RNF111: variants seen among roughly 807,000 people sequenced by gnomAD.
RNF111 encodes the protein E3 ubiquitin-protein ligase Arkadia.
Under a neutral mutation model 95.1 loss-of-function variants are expected in RNF111, and 17 were observed. The ratio of observed to expected loss-of-function variants is 0.18; its 90% CI spans 0.12 to 0.27. The LOEUF (loss-of-function observed/expected upper bound fraction) is 0.27, where lower values mean the gene tolerates loss of function less well. Ranked by LOEUF, RNF111 falls within the 10% of genes least tolerant of loss-of-function variation. RNF111 has a pLI of 1.00. For synonymous variants in RNF111, 440 were observed against 414.8 expected, an observed-to-expected ratio of 1.06 and a Z score of -0.74; for missense variants, 1,189 against 1,210.4, an observed-to-expected ratio of 0.98 and a Z score of 0.26.
At chr15:59,020,611 A>G (rs1042549601) in intron 1 of RNF111, among the ~76,000 whole-genome samples, 4 of 152,228 alleles carry the variant, frequency 2.6e-5, no homozygotes, top group Non-Finnish European at 4.4e-5. Context: ...TTTGATGACT[A>G]ATATTTAAGG....
chr15:59,030,588 T>A (rs1397908482), intron 1 of RNF111, among the ~76,000 whole-genome samples: 1 of 152,188 alleles, frequency 6.6e-6, no homozygotes, highest in Non-Finnish European at 1.5e-5. Context: ...CTATATCTAC[T>A]GTATTTCTAA....
At position 59,058,508 on chromosome 15, in the gene RNF111, G is replaced by A; in HGVS notation, c.1324G>A (p.Ala442Thr). The A allele has an allele frequency of 6.2e-7, 1 of 1,614,028 alleles. No homozygotes were observed. Among genetic ancestry groups the A allele is most frequent in the East Asian group, 2.2e-5 (1 of 44,874 alleles). Reference protein sequence around the residue: ...SQPSTVSETSATLTSNSTTGT... With the variant: ...SQPSTVSETSTTLTSNSTTGT... ...ACCTTCCACAGTGTCAGAGACTTCA[G>A]CTACTCTTACAAGCAATAGTACCAC... is the stretch of plus-strand genomic sequence containing the variant. Residue 442 changes from alanine (A) to threonine (T), a missense_variant, in exon 5 of 14, where the codon GCT becomes ACT. By Grantham distance (58) the Ala-to-Thr change is moderately conservative (BLOSUM62 0). Transcript: ENST00000348370.
rs779288660 is a variant in RNF111 at position 59,031,563 on chromosome 15, T to C, written c.741T>C (p.Tyr247=). 4.3e-6 allele frequency: 7 copies of C among 1,614,112 alleles called. No homozygotes were observed. The African/African-American group carries it at 9.3e-5, about 22-fold the overall frequency. The change falls in exon 2 of 14, where the codon TAT becomes TAC. Residue 247 remains tyrosine, a synonymous_variant. Coordinates refer to ENST00000348370, the MANE Select transcript of RNF111 (RefSeq NM_017610.8). The part of the protein sequence containing the change: ...KKREVLARRK[Y]ALLPSSSSSS... ...GAGAAGTGTTAGCTCGAAGAAAATA[T>C]GCCTTGCTACCTAGTTCTAGTAGTT...
intron 12 of RNF111, among the ~76,000 whole-genome samples, chr15:59,092,126 T>C (rs1261964308): frequency 1.3e-5 from 2 of 152,230 alleles, no homozygotes; most frequent in South Asian, 2.1e-4. Context: ...TACCAGTACA[T>C]TCAAGTTTTC....
intron 2 of RNF111, among the ~76,000 whole-genome samples, chr15:59,043,130 C>A (rs2041544821): frequency 1.3e-5 from 2 of 151,310 alleles, no homozygotes; most frequent in Admixed American, 1.3e-4. Context: ...TTATAAAATT[C>A]ATTCATTTAA....
chr15:59,035,854 A>G (rs1423494767), intron 2 of RNF111, among the ~76,000 whole-genome samples: 3 of 152,172 alleles, frequency 2.0e-5, no homozygotes, highest in Admixed American at 6.5e-5. Flanking sequence ...AAGCCATTCA[A>G]CAAGTCTCTA....
Position 59,096,280 on chromosome 15 carries a change from C to T in RNF111, c.*1380C>T. 2.6e-6 allele frequency: 1 copy of T among 383,878 alleles called. No individual in the cohort carries two copies. Among genetic ancestry groups the T allele is most frequent in the East Asian group, 3.7e-5 (1 of 26,984 alleles). The allele number at this position is 383,878 out of a possible 1,614,324, so 23.8% of individuals were successfully genotyped here. Reference sequence around the variant, plus strand: ...ATTTGTTTAAATATGCTTAATATGCCCCAGATTGCAAATGCATCCAGTCAG... The same window carrying T: ...ATTTGTTTAAATATGCTTAATATGCTCCAGATTGCAAATGCATCCAGTCAG... On this transcript the variant is annotated 3_prime_UTR_variant, in exon 14 of 14. Transcript: ENST00000348370.
At chr15:59,085,266 C>T (rs1372072909) in intron 9 of RNF111, among the ~76,000 whole-genome samples, 2 of 152,106 alleles carry the variant, frequency 1.3e-5, no homozygotes, top group African/African-American at 4.8e-5. Flanking sequence ...TGTCAACAAC[C>T]AAGAGATGAT....
chr15:59,041,201 G>A (rs1328951553), intron 2 of RNF111, among the ~76,000 whole-genome samples: 1 of 152,106 alleles, frequency 6.6e-6, no homozygotes, highest in African/African-American at 2.4e-5. Flanking sequence ...TGTTCAACCA[G>A]TCTCCTATTG....
intron 5 of RNF111, among the ~76,000 whole-genome samples, chr15:59,065,806 C>T (rs1596253743): frequency 6.6e-6 from 1 of 152,116 alleles, no homozygotes; most frequent in East Asian, 1.9e-4. Flanking sequence ...CTGGAAGGAG[C>T]TTAAGACCAG....
intron 6 of RNF111, among the ~76,000 whole-genome samples, chr15:59,067,559 C>CT (rs1566928033): frequency 6.6e-6 from 1 of 152,118 alleles, no homozygotes; most frequent in East Asian, 1.9e-4. Context: ...TCTGTAGTTT[C>CT]TTTTTAATTA....
intron 1 of RNF111, among the ~76,000 whole-genome samples, chr15:59,011,351 C>A (rs1235155666): frequency 6.6e-6 from 1 of 152,240 alleles, no homozygotes; most frequent in East Asian, 1.9e-4. Flanking sequence ...TAGACTATAA[C>A]TTCCTCAGGA....
At chr15:59,014,783 G>A (rs546802278) in intron 1 of RNF111, among the ~76,000 whole-genome samples, 1 of 150,978 alleles carries the variant, frequency 6.6e-6, no homozygotes, top group African/African-American at 2.4e-5. Flanking sequence ...TTGAGACAGG[G>A]TCTTCCTCTA....
At chr15:59,083,671 A>G (rs568438550) in intron 8 of RNF111, among the ~76,000 whole-genome samples, 84 of 152,250 alleles carry the variant, frequency 5.5e-4, no homozygotes, top group African/African-American at 1.9e-3. Context: ...AAATGGTTGA[A>G]TGTCTTTACA....
Position 59,030,720 on chromosome 15 carries a change from C to G in RNF111, c.-19-84C>G, listed in dbSNP as rs1382473509. 1.2e-5 allele frequency: 11 copies of G among 930,304 alleles called. No homozygotes were observed. The African/African-American group carries it at 1.3e-4, about 11-fold the overall frequency. 57.6% of individuals were successfully genotyped at this position (930,304 alleles called of 1,614,324 possible). On this transcript the variant is annotated intron_variant, in intron 1 of 13. Coordinates refer to ENST00000348370, the MANE Select transcript of RNF111 (RefSeq NM_017610.8). ...CAGTTCTGCCTTTATAAGGGATCTT[C>G]TTGGTGGAATTTGAGAACTCTTCAA...
intron 6 of RNF111, among the ~76,000 whole-genome samples, chr15:59,072,352 A>G (rs7180666): frequency 0.058 from 8,896 of 152,174 alleles, 602 homozygotes; most frequent in African/African-American, 0.16. Context: ...ATTGGAATCA[A>G]TCCTTTCAAA....
At position 59,019,694 on chromosome 15, in the gene RNF111, T is replaced by A. The variant is rs1449735441; in HGVS notation, c.-19-11110T>A. Among the ~76,000 whole-genome samples, 5 of 152,124 alleles carry A rather than the reference T, an allele frequency of 3.3e-5. No individual in the cohort carries two copies. In the East Asian group the frequency reaches 9.6e-4, roughly 29 times the overall value. On this transcript the variant is annotated intron_variant, in intron 1 of 13. Coordinates refer to ENST00000348370, the MANE Select transcript of RNF111 (RefSeq NM_017610.8). ...AGTATTTAAGCCAGGCGTGGTGGCT[T>A]ATGCCTGTAATCCCAGCACTTTGGG...
intron 7 of RNF111, among the ~76,000 whole-genome samples, chr15:59,079,396 A>G (rs1440844489): frequency 6.6e-6 from 1 of 152,248 alleles, no homozygotes; most frequent in Admixed American, 6.5e-5. Context: ...CAGAACTTTT[A>G]GAAAATTGGT....
intron 7 of RNF111, 39 bp from the exon 8 acceptor site, chr15:59,080,897 T>C: frequency 2.7e-6 from 4 of 1,464,792 alleles, no homozygotes; most frequent in Non-Finnish European, 3.8e-6. Context: ...TTCAACTGCA[T>C]GGTGCCTATG....
Sources: gnomAD v4.1 joint callset for allele counts (sites outside exome capture counted in the v4.1 genomes callset) on GRCh38, gnomAD v4.1.1 for gene constraint, MANE v1.5 for transcripts, NCBI Gene and HGNC (gene_info 2026-07-23, HGNC 2026-07-21) for gene names.